The following BFSP2 variants were observed in gnomAD, a reference collection of about 807,000 sequenced individuals.
BFSP2 encodes phakinin.
In BFSP2, 38 loss-of-function variants were observed where a neutral mutation model predicts 44.9. That is an observed-to-expected ratio of 0.85 (90% CI 0.65 to 1.11). BFSP2 has a LOEUF of 1.11. BFSP2 is among the 50% of genes least tolerant of loss of function. The probability of loss-of-function intolerance (pLI) is 0.00; values close to 1 mark genes in which losing one functional copy is unlikely to be tolerated. For synonymous variants in BFSP2, 197 were observed against 209.9 expected (o/e 0.94, Z 0.53); for missense variants, 525 against 533.0 (o/e 0.99, Z 0.15).
Position 133,446,359 on chromosome 3 carries a change from T to G in BFSP2, c.490-958T>G, listed in dbSNP as rs573103475. On this transcript the variant is annotated intron_variant, in intron 1 of 6. Coordinates refer to ENST00000302334, the MANE Select transcript of BFSP2 (RefSeq NM_003571.4). ...TATCTTGAATCTGGGAGGCAGAGGT[T>G]GCAGTGAGCAGATATTGTGCCACTG... 2.0e-5 allele frequency among the ~76,000 whole-genome samples: 3 copies of G among 151,732 alleles called. No homozygotes were observed. The East Asian group carries it at 5.8e-4, about 30-fold the overall frequency.
Position 133,407,666 on chromosome 3 carries a change from C to T in BFSP2, c.489+7094C>T, listed in dbSNP as rs145971545. On this transcript the variant is annotated intron_variant, in intron 1 of 6. Transcript: ENST00000302334. ...AGTCTCTGTAATTAAAATAGTTTAG[C>T]GTTGGCACAAAAAAGATGAGAAAAC... Among the ~76,000 whole-genome samples the T allele has an allele frequency of 4.1e-4, 62 of 152,088 alleles. No individual in the cohort carries two copies. The East Asian group carries it at 0.01, about 26-fold the overall frequency.
chr3:133,433,425 T>C (rs1292843006), intron 1 of BFSP2, among the ~76,000 whole-genome samples: 4 of 152,216 alleles, frequency 2.6e-5, no homozygotes, highest in Admixed American at 6.5e-5. Flanking sequence ...TCTGCTGTTC[T>C]ACTACTCATC....
intron 4 of BFSP2, among the ~76,000 whole-genome samples, chr3:133,463,128 G>C (rs1482230730): frequency 6.6e-6 from 1 of 152,132 alleles, no homozygotes; most frequent in Non-Finnish European, 1.5e-5. Context: ...GGCCAACATG[G>C]AGAAACCCCA....
chr3:133,425,903 A>C (rs2073645176), intron 1 of BFSP2, among the ~76,000 whole-genome samples: 4 of 85,550 alleles, frequency 4.7e-5, no homozygotes, highest in African/African-American at 1.3e-4. Context: ...AAGGGAAATA[A>C]GAGAAAGGAG....
chr3:133,430,217 C>T (rs535505805), intron 1 of BFSP2, among the ~76,000 whole-genome samples: 62 of 152,098 alleles, frequency 4.1e-4, no homozygotes, highest in East Asian at 1.5e-3. Flanking sequence ...AATAAACATA[C>T]GTGTGCATGT....
At chr3:133,458,519 C>T (rs78544769) in intron 4 of BFSP2, among the ~76,000 whole-genome samples, 13,559 of 152,126 alleles carry the variant, frequency 0.089, 628 homozygotes, top group East Asian at 0.18. Flanking sequence ...CATGGTGAAA[C>T]CACGTCTCTA....
chr3:133,466,697 AG>A (rs368555004), intron 4 of BFSP2, 130 bp from the exon 5 acceptor site: 2 of 726,476 alleles, frequency 2.8e-6, no homozygotes, highest in Admixed American at 2.9e-5. Flanking sequence ...AAAAAAAAAA[AG>A]ATGTTTCCAC....
At chr3:133,455,239 G>C (rs1332697697) in intron 4 of BFSP2, 1 of 152,248 alleles carries the variant, frequency 6.6e-6, no homozygotes, top group Non-Finnish European at 1.5e-5. Flanking sequence ...ATAATTGTAT[G>C]TGCTAGACTT....
At chr3:133,425,768 AAAGGGAAAGGGAAAGGG>A (rs1481509860) in intron 1 of BFSP2, among the ~76,000 whole-genome samples, 18 of 59,432 alleles carry the variant, frequency 3.0e-4, no homozygotes, top group Non-Finnish European at 4.0e-4. Context: ...AAGGGATGGG[AAAGGGAAAGGGAAAGGG>A]AAGGGAAGGG....
rs192460463 is a variant in BFSP2 at position 133,474,385 on chromosome 3, T to G, written c.1245-584T>G. 1.6e-3 allele frequency among the ~76,000 whole-genome samples: 251 copies of G among 152,372 alleles called. 2 individuals carry two copies. Among genetic ancestry groups the G allele is most frequent in the Non-Finnish European group, 3.4e-4 (23 of 68,038 alleles). On this transcript the variant is annotated intron_variant, in intron 6 of 6. Coordinates refer to ENST00000302334, the MANE Select transcript of BFSP2 (RefSeq NM_003571.4). ...CACTGGGATGGGAGCCCAGGTCTCC[T>G]GCTCTCTCCAACTGTGTAACCTCTC...
At chr3:133,435,960 G>A (rs991015690) in intron 1 of BFSP2, among the ~76,000 whole-genome samples, 6 of 151,940 alleles carry the variant, frequency 3.9e-5, no homozygotes. Flanking sequence ...GCTATGATAG[G>A]GGCTCTTTCC....
intron 6 of BFSP2, among the ~76,000 whole-genome samples, chr3:133,473,438 C>CA (rs748691333): frequency 0.58 from 42,323 of 72,950 alleles, 12,497 homozygotes; most frequent in South Asian, 0.7. Flanking sequence ...GAGGCAGCAG[C>CA]AAAAAAAAAA....
rs180730070 is a variant in BFSP2 at position 133,426,055 on chromosome 3, G to A, written c.490-21262G>A. Among the ~76,000 whole-genome samples, 271 of 115,044 alleles carry A rather than the reference G, an allele frequency of 2.4e-3. 3 individuals are homozygous for A. Among genetic ancestry groups the A allele is most frequent in the African/African-American group, 8.1e-3 (261 of 32,320 alleles). The allele number at this position is 115,044 out of a possible 152,430, so 75.5% of individuals were successfully genotyped here. On this transcript the variant is annotated intron_variant, in intron 1 of 6. Transcript: ENST00000302334. ...AAGGGAAGGGAAAAAGCTCTTCCTTGTCAGATATTGTTTTAAGTTAGTGTC... is the reference window on the plus strand; with the variant it reads ...AAGGGAAGGGAAAAAGCTCTTCCTTATCAGATATTGTTTTAAGTTAGTGTC...
At chr3:133,458,977 C>T (rs2074037853) in intron 4 of BFSP2, among the ~76,000 whole-genome samples, 1 of 152,132 alleles carries the variant, frequency 6.6e-6, no homozygotes, top group Non-Finnish European at 1.5e-5. Flanking sequence ...AACGCTCGTC[C>T]CAGACTACCT....
intron 1 of BFSP2, among the ~76,000 whole-genome samples, chr3:133,413,134 T>C (rs1471846315): frequency 1.3e-5 from 2 of 152,146 alleles, no homozygotes; most frequent in Admixed American, 1.3e-4. Flanking sequence ...CTTTGGGGTA[T>C]ATACTCTTTG....
intron 6 of BFSP2, among the ~76,000 whole-genome samples, chr3:133,473,751 G>A (rs1432386205): frequency 6.6e-6 from 1 of 151,908 alleles, no homozygotes; most frequent in African/African-American, 2.4e-5. Flanking sequence ...CACAGCACAT[G>A]TTTCAGAGAG....
At position 133,450,299 on chromosome 3, in the gene BFSP2, T is replaced by G; in HGVS notation, c.730-4T>G. ...TCATCTAAGATGTATATTGTTGTTT[T>G]CAGGATGTGAAGCTGCTGCACAAAC... On this transcript the variant is annotated splice_polypyrimidine_tract_variant and splice_region_variant and intron_variant, in intron 3 of 6. Coordinates refer to ENST00000302334, the MANE Select transcript of BFSP2 (RefSeq NM_003571.4). 3 of 1,614,180 alleles carry G rather than the reference T, an allele frequency of 1.9e-6. No homozygotes were observed. The highest frequency in any genetic ancestry group is 2.5e-6 in the Non-Finnish European group (3 of 1,180,016).
At chr3:133,458,913 C>T (rs1236418594) in intron 4 of BFSP2, among the ~76,000 whole-genome samples, 2 of 152,124 alleles carry the variant, frequency 1.3e-5, no homozygotes, top group Non-Finnish European at 2.9e-5. Flanking sequence ...AAGGACAAAC[C>T]AGGTGCAAGG....
chr3:133,442,711 C>T (rs1258726976), intron 1 of BFSP2, among the ~76,000 whole-genome samples: 2 of 151,934 alleles, frequency 1.3e-5, no homozygotes, highest in Non-Finnish European at 2.9e-5. Flanking sequence ...TGACTAGACT[C>T]AGTGATAAAT....
Sources: gnomAD v4.1 joint callset for allele counts (sites outside exome capture counted in the v4.1 genomes callset) on GRCh38, gnomAD v4.1.1 for gene constraint, MANE v1.5 for transcripts, NCBI Gene and HGNC (gene_info 2026-07-23, HGNC 2026-07-21) for gene names.